The following ERBB4 variants were observed in gnomAD, a reference collection of about 807,000 sequenced individuals.
ERBB4 encodes the protein receptor tyrosine-protein kinase erbB-4.
ERBB4 carries 42 observed loss-of-function variants against 158.0 expected under a neutral mutation model. The observed-to-expected ratio is 0.27, with a 90% CI of 0.21 to 0.34. The LOEUF is 0.34. Among genes scored for constraint, ERBB4 ranks in the 10% least tolerant of loss-of-function variants. The probability of loss-of-function intolerance (pLI) is 1.00; values close to 1 mark genes in which losing one functional copy is unlikely to be tolerated. For synonymous variants in ERBB4, 583 were observed against 558.7 expected (o/e 1.04, Z -0.61); for missense variants, 1,333 against 1,624.1 (o/e 0.82, Z 3.08).
Position 211,630,486 on chromosome 2 carries a change from G to T in ERBB4, c.2055C>A (p.Ala685=), listed in dbSNP as rs541175676. The T allele has an allele frequency of 1.9e-6, 3 of 1,613,266 alleles. No homozygotes were observed. Among genetic ancestry groups the T allele is most frequent in the African/African-American group, 2.7e-5 (2 of 74,900 alleles). The change falls in exon 17 of 28, where the codon GCC becomes GCA. Residue 685 remains alanine, a synonymous_variant. Transcript: ENST00000342788. ...VRRKSIKKKR[A]LRRFLETELV... is the part of the protein sequence containing the mutation. Reference sequence around the variant, plus strand: ...CCTCTGTTTCCAAGAATCTTCTCAAGGCTCTTTTCTTTTTGATGCTCTTCC... The same window carrying T: ...CCTCTGTTTCCAAGAATCTTCTCAATGCTCTTTTCTTTTTGATGCTCTTCC...
intron 19 of ERBB4, among the ~76,000 whole-genome samples, chr2:211,596,449 T>TA (rs1347578585): frequency 6.6e-6 from 1 of 152,180 alleles, no homozygotes; most frequent in African/African-American, 2.4e-5. Flanking sequence ...TGCTTAGGTC[T>TA]AAAAATATTC....
intron 1 of ERBB4, among the ~76,000 whole-genome samples, chr2:212,462,847 C>A (rs1163248943): frequency 4.6e-5 from 7 of 152,032 alleles, no homozygotes; most frequent in Non-Finnish European, 1.0e-4. Context: ...GATGTGGAAT[C>A]AAACTAAGTA....
chr2:212,201,598 A>C (rs763470003), intron 1 of ERBB4, among the ~76,000 whole-genome samples: 1 of 152,226 alleles, frequency 6.6e-6, no homozygotes, highest in Non-Finnish European at 1.5e-5. Context: ...CTATGTCAAA[A>C]TATTTCCTTC....
At chr2:211,888,810 C>T (rs2078878875) in intron 3 of ERBB4, among the ~76,000 whole-genome samples, 1 of 151,716 alleles carries the variant, frequency 6.6e-6, no homozygotes, top group South Asian at 2.1e-4. Flanking sequence ...AAAATCGGGT[C>T]ACTCCCACCC....
intron 12 of ERBB4, among the ~76,000 whole-genome samples, chr2:211,698,316 A>G (rs1263335154): frequency 7.7e-6 from 1 of 129,628 alleles, no homozygotes; most frequent in Non-Finnish European, 1.6e-5. Context: ...CCGTCTCAGA[A>G]AAAAAAAAAA....
At chr2:211,745,745 C>G (rs886398037) in intron 5 of ERBB4, among the ~76,000 whole-genome samples, 2 of 98,238 alleles carry the variant, frequency 2.0e-5, no homozygotes, top group South Asian at 4.2e-4. Context: ...CAAAAAAAAC[C>G]CTTAGGTAAG....
chr2:212,374,847 C>T lies in ERBB4; in HGVS notation c.82+163602G>A, dbSNP rs1574800425. On this transcript the variant is annotated intron_variant, in intron 1 of 27. Coordinates refer to ENST00000342788, the MANE Select transcript of ERBB4 (RefSeq NM_005235.3). ...TGGCACAATCATAGCAGATAGTGCC[C>T]AAATTGAAAGGGGAAAGTAAGAGGT... Among the ~76,000 whole-genome samples the T allele has an allele frequency of 2.0e-5, 3 of 151,526 alleles. No homozygotes were observed. In the Middle Eastern group the frequency reaches 0.01, roughly 519 times the overall value.
intron 1 of ERBB4, among the ~76,000 whole-genome samples, chr2:212,292,526 T>C (rs764145817): frequency 2.0e-5 from 3 of 152,026 alleles, no homozygotes; most frequent in Non-Finnish European, 4.4e-5. Flanking sequence ...CAAGGATGCC[T>C]TAATATCTCT....
chr2:211,940,551 C>T (rs1355309239), intron 3 of ERBB4, among the ~76,000 whole-genome samples: 2 of 152,046 alleles, frequency 1.3e-5, no homozygotes, highest in African/African-American at 2.4e-5. Context: ...TGAGAAATTC[C>T]ATAATGCTAG....
In ERBB4 at chr2:211,383,234, A is replaced by G; in HGVS notation, c.*381T>C. The G allele has an allele frequency of 3.3e-6, 1 of 298,680 alleles. No individual in the cohort carries two copies. Among genetic ancestry groups the G allele is most frequent in the South Asian group, 6.0e-5 (1 of 16,764 alleles). 18.5% of individuals were successfully genotyped at this position (298,680 alleles called of 1,614,324 possible). On this transcript the variant is annotated 3_prime_UTR_variant, in exon 28 of 28. Coordinates refer to ENST00000342788, the MANE Select transcript of ERBB4 (RefSeq NM_005235.3). ...AACAGATAGCATGGGTGTTTCAACC[A>G]TCTGCTTTAAAAAAAAAAAAAAAAA...
At chr2:211,650,334 A>G (rs1252276304) in intron 16 of ERBB4, among the ~76,000 whole-genome samples, 2 of 152,080 alleles carry the variant, frequency 1.3e-5, no homozygotes, top group Admixed American at 1.3e-4. Context: ...CAAATTTAAG[A>G]TCTATGAAAT....
chr2:211,948,425 A>T (rs1201774860), intron 2 of ERBB4, among the ~76,000 whole-genome samples: 1 of 106,054 alleles, frequency 9.4e-6, no homozygotes, highest in African/African-American at 4.0e-5. Flanking sequence ...ACAGAGTGAG[A>T]CTCTGTCTCA....
At chr2:211,656,889 T>C (rs2071237198) in intron 16 of ERBB4, among the ~76,000 whole-genome samples, 2 of 152,206 alleles carry the variant, frequency 1.3e-5, no homozygotes, top group Admixed American at 1.3e-4. Context: ...GTTTCCAATT[T>C]TGGGTGATTA....
intron 1 of ERBB4, among the ~76,000 whole-genome samples, chr2:212,307,976 C>T (rs969835371): frequency 6.6e-6 from 1 of 150,564 alleles, no homozygotes; most frequent in Non-Finnish European, 1.5e-5. Context: ...TGCATTATAA[C>T]CAAGAGACAA....
intron 16 of ERBB4, among the ~76,000 whole-genome samples, chr2:211,642,469 C>A (rs2070632108): frequency 6.6e-6 from 1 of 152,070 alleles, no homozygotes; most frequent in South Asian, 2.1e-4. Context: ...AGGAAAGCCT[C>A]AGGACTCAAT....
At chr2:211,844,558 ACT>A (rs545149822) in intron 3 of ERBB4, among the ~76,000 whole-genome samples, 2 of 152,162 alleles carry the variant, frequency 1.3e-5, no homozygotes, top group African/African-American at 2.4e-5. Context: ...TGTATGTATA[ACT>A]CTGTGTGGAC....
At chr2:211,506,647 C>A (rs1304207334) in intron 20 of ERBB4, among the ~76,000 whole-genome samples, 1 of 151,918 alleles carries the variant, frequency 6.6e-6, no homozygotes, top group African/African-American at 2.4e-5. Context: ...CAACTTATTT[C>A]TGAATGACTT....
intron 4 of ERBB4, among the ~76,000 whole-genome samples, chr2:211,756,344 GA>G (rs2075287177): frequency 6.6e-6 from 1 of 152,194 alleles, no homozygotes; most frequent in Non-Finnish European, 1.5e-5. Context: ...ATTTCAGGCT[GA>G]ATAGCTAGCC....
chr2:211,439,284 G>A (rs531626767), intron 20 of ERBB4, among the ~76,000 whole-genome samples: 1 of 152,260 alleles, frequency 6.6e-6, no homozygotes, highest in African/African-American at 2.4e-5. Context: ...CTGATGCCAG[G>A]CAAATTTCAA....
Sources: allele counts gnomAD v4.1 joint callset (sites outside exome capture counted in the v4.1 genomes callset), GRCh38; gene constraint gnomAD v4.1.1; transcripts MANE v1.5; gene names NCBI Gene and HGNC (gene_info 2026-07-23, HGNC 2026-07-21).